The following DTNA variants were observed in gnomAD, a reference collection of about 807,000 sequenced individuals.
The protein encoded by DTNA is dystrophin-related protein 3.
In DTNA, 43 loss-of-function variants were observed where a neutral mutation model predicts 100.7. That is an observed-to-expected ratio of 0.43 (90% CI 0.33 to 0.55). The LOEUF is 0.55. Ranked by LOEUF, DTNA falls within the 20% of genes least tolerant of loss-of-function variation. DTNA has a pLI of 0.04. For missense variants in DTNA, 798 were observed against 953.9 expected, an observed-to-expected ratio of 0.84 and a Z score of 2.15; for synonymous variants, 349 against 347.9, an observed-to-expected ratio of 1.00 and a Z score of -0.04.
At chr18:34,622,970 A>G (rs1043523485) in intron 1 of DTNA, among the ~76,000 whole-genome samples, 1 of 152,198 alleles carries the variant, frequency 6.6e-6, no homozygotes, top group Non-Finnish European at 1.5e-5. Context: ...ATCTTTATAT[A>G]CCCTATTGGT....
At chr18:34,566,506 T>C (rs1431459765) in intron 1 of DTNA, among the ~76,000 whole-genome samples, 1 of 152,226 alleles carries the variant, frequency 6.6e-6, no homozygotes, top group Non-Finnish European at 1.5e-5. Flanking sequence ...TGCACATGTT[T>C]CAGAGAAAGT....
At chr18:34,726,347 A>G (rs1420108050) in intron 1 of DTNA, among the ~76,000 whole-genome samples, 1 of 152,180 alleles carries the variant, frequency 6.6e-6, no homozygotes, top group Non-Finnish European at 1.5e-5. Flanking sequence ...CTCACATTGC[A>G]AAATACAGTC....
At chr18:34,718,316 G>A (rs548534245) in intron 1 of DTNA, among the ~76,000 whole-genome samples, 3 of 152,048 alleles carry the variant, frequency 2.0e-5, no homozygotes, top group Non-Finnish European at 4.4e-5. Context: ...TTCCTCTTTC[G>A]TTAAAATCTT....
chr18:34,542,133 A>G (rs1304425196), intron 1 of DTNA, among the ~76,000 whole-genome samples: 1 of 152,016 alleles, frequency 6.6e-6, no homozygotes, highest in Non-Finnish European at 1.5e-5. Flanking sequence ...CTCACCAGGA[A>G]CATGTACTAA....
chr18:34,827,573 C>T lies in DTNA; in HGVS notation c.1002-20C>T. The T allele has an allele frequency of 6.2e-7, 1 of 1,611,690 alleles. No individual in the cohort carries two copies. Among genetic ancestry groups the T allele is most frequent in the Non-Finnish European group, 8.5e-7 (1 of 1,177,776 alleles). On this transcript the variant is annotated intron_variant, in intron 9 of 22. Transcript: ENST00000444659. ...CTTTTATTTGTTTTAACTTTCCATT[C>T]ACCCTGTGTTTTGTTTTAGGCCTCC... is the stretch of plus-strand genomic sequence containing the variant.
chr18:34,794,345 C>CTT, intron 4 of DTNA, 95 bp downstream of exon 4: 93 of 1,090,820 alleles, frequency 8.5e-5, no homozygotes, highest in Middle Eastern at 3.1e-4. Flanking sequence ...ATATCTCTCT[C>CTT]TTTTTTTTTT....
intron 1 of DTNA, among the ~76,000 whole-genome samples, chr18:34,624,585 T>C (rs2057045884): frequency 6.6e-6 from 1 of 152,226 alleles, no homozygotes; most frequent in African/African-American, 2.4e-5. Context: ...TGTTTGTTCT[T>C]CCAAAAGATG....
At chr18:34,681,941 A>G (rs776169608) in intron 1 of DTNA, among the ~76,000 whole-genome samples, 1 of 151,834 alleles carries the variant, frequency 6.6e-6, no homozygotes, top group Non-Finnish European at 1.5e-5. Context: ...TGCCCTAACA[A>G]TCCTCTGTGC....
Position 34,808,893 on chromosome 18 carries a change from T to C in DTNA, c.448+2589T>C, listed in dbSNP as rs534137760. Among the ~76,000 whole-genome samples the C allele has an allele frequency of 2.6e-5, 4 of 152,288 alleles. No homozygotes were observed. The South Asian group carries it at 8.3e-4, about 32-fold the overall frequency. On this transcript the variant is annotated intron_variant, in intron 5 of 22. Transcript: ENST00000444659. ...ATCACAGATTCTGTAGAAATACAGATAGTGTGACCCCGATAAATCGCATTC... is the reference window on the plus strand; with the variant it reads ...ATCACAGATTCTGTAGAAATACAGACAGTGTGACCCCGATAAATCGCATTC...
intron 1 of DTNA, chr18:34,557,844 G>C (rs1453927213): frequency 6.6e-6 from 1 of 152,348 alleles, no homozygotes; most frequent in Admixed American, 6.5e-5. Context: ...CCTGCCCCCA[G>C]AGGTGGAGCC....
intron 1 of DTNA, among the ~76,000 whole-genome samples, chr18:34,495,713 A>G (rs532381011): frequency 1.8e-4 from 27 of 152,342 alleles, no homozygotes; most frequent in African/African-American, 6.5e-4. Context: ...TGTACTTTAT[A>G]CAGAATTGTG....
chr18:34,630,965 T>TA (rs781222173), intron 1 of DTNA, among the ~76,000 whole-genome samples: 1 of 151,978 alleles, frequency 6.6e-6, no homozygotes, highest in Non-Finnish European at 1.5e-5. Flanking sequence ...AAAGAAAGGA[T>TA]AAATGACTGA....
intron 9 of DTNA, among the ~76,000 whole-genome samples, chr18:34,827,001 C>A (rs2095873935): frequency 6.6e-6 from 1 of 152,188 alleles, no homozygotes; most frequent in African/African-American, 2.4e-5. Context: ...ATGCTGTACA[C>A]CACATACTCT....
At chr18:34,876,253 A>G (rs1169252988) in intron 18 of DTNA, among the ~76,000 whole-genome samples, 1 of 152,248 alleles carries the variant, frequency 6.6e-6, no homozygotes, top group Non-Finnish European at 1.5e-5. Flanking sequence ...AATTAGCAAT[A>G]TATCATTAAC....
At chr18:34,514,989 G>A (rs1401283282) in intron 1 of DTNA, among the ~76,000 whole-genome samples, 1 of 152,060 alleles carries the variant, frequency 6.6e-6, no homozygotes, top group African/African-American at 2.4e-5. Flanking sequence ...CAGTGTGGGT[G>A]TTGGGAGGGT....
At position 34,755,991 on chromosome 18, in the gene DTNA, T is replaced by C. The variant is rs964404879; in HGVS notation, c.15T>C (p.Ser5=). 9.9e-6 allele frequency: 16 copies of C among 1,613,334 alleles called. No homozygotes were observed. Among genetic ancestry groups the C allele is most frequent in the Non-Finnish European group, 1.4e-5 (16 of 1,179,564 alleles). ...TGTCTCATAGAATGATTGAAGATAG[T>C]GGGAAAAGAGGAAATACCATGGCAG... The part of the protein sequence containing the change: MIED[S]GKRGNTMAER... Residue 5 remains serine, a synonymous_variant, in exon 2 of 23, where the codon AGT becomes AGC. Coordinates refer to ENST00000444659, the MANE Select transcript of DTNA (RefSeq NM_001386795.1).
Position 34,638,884 on chromosome 18 carries a change from C to T in DTNA, c.-1-117092C>T, listed in dbSNP as rs115547019. 5.0e-3 allele frequency among the ~76,000 whole-genome samples: 767 copies of T among 152,214 alleles called. 6 individuals are homozygous for T. The highest frequency in any genetic ancestry group is 0.017 in the African/African-American group (717 of 41,510). On this transcript the variant is annotated intron_variant, in intron 1 of 19. Coordinates refer to the DTNA transcript ENST00000283365. ...GAAGTGGAGTTTCGCTCTTGCTGCC[C>T]AGGCTGGAGTGTAATGGCATCATCT...
chr18:34,506,260 G>A (rs1199014886), intron 1 of DTNA, among the ~76,000 whole-genome samples: 1 of 152,148 alleles, frequency 6.6e-6, no homozygotes, highest in East Asian at 1.9e-4. Context: ...CAGGAGAGAA[G>A]GAGAAGGGAG....
At chr18:34,650,572 A>G (rs2060329775) in intron 1 of DTNA, among the ~76,000 whole-genome samples, 2 of 152,178 alleles carry the variant, frequency 1.3e-5, no homozygotes, top group Non-Finnish European at 1.5e-5. Context: ...TCAAAATAGA[A>G]TGAAAATTCA....
Sources: gnomAD v4.1 joint callset for allele counts (sites outside exome capture counted in the v4.1 genomes callset) on GRCh38, gnomAD v4.1.1 for gene constraint, MANE v1.5 for transcripts, NCBI Gene and HGNC (gene_info 2026-07-23, HGNC 2026-07-21) for gene names.